MYO16: variants seen among roughly 807,000 people sequenced by gnomAD.
The protein encoded by MYO16 is unconventional myosin-XVI.
MYO16 carries 94 observed loss-of-function variants against 205.3 expected under a neutral mutation model. The ratio of observed to expected loss-of-function variants is 0.46; its 90% CI spans 0.39 to 0.54. The LOEUF (loss-of-function observed/expected upper bound fraction) is 0.54. Among genes scored for constraint, MYO16 ranks in the 20% least tolerant of loss-of-function variants. The pLI, the probability that MYO16 is intolerant of heterozygous loss-of-function variation, is 0.00. For missense variants in MYO16, 2,315 were observed against 2,387.5 expected (o/e 0.97, Z 0.63); for synonymous variants, 988 against 954.0 (o/e 1.04, Z -0.66).
chr13:109,187,380 G>GT (rs1879729750), intron 34 of MYO16, among the ~76,000 whole-genome samples: 1 of 151,870 alleles, frequency 6.6e-6, no homozygotes, highest in Non-Finnish European at 1.5e-5. Flanking sequence ...ATTGATTCCT[G>GT]TTGTTTTTTA....
chr13:108,540,045 G>T, the MYO16 span, among the ~76,000 whole-genome samples: 1 of 152,084 alleles, frequency 6.6e-6, no homozygotes, highest in Non-Finnish European at 1.5e-5. Context: ...AATGTAATGG[G>T]AGAAGTATAT....
chr13:108,967,516 C>T (rs1883841065), intron 20 of MYO16, among the ~76,000 whole-genome samples: 1 of 152,152 alleles, frequency 6.6e-6, no homozygotes, highest in South Asian at 2.1e-4. Context: ...TGGCTGCCTA[C>T]TGGGGTGTTG....
chr13:108,930,758 T>A (rs1882221566), intron 16 of MYO16, among the ~76,000 whole-genome samples: 1 of 152,160 alleles, frequency 6.6e-6, no homozygotes, highest in Non-Finnish European at 1.5e-5. Flanking sequence ...AAGTTAAGAC[T>A]ATAAATACCA....
At chr13:108,869,498 G>C (rs1878910749) in intron 12 of MYO16, among the ~76,000 whole-genome samples, 1 of 151,604 alleles carries the variant, frequency 6.6e-6, no homozygotes, top group African/African-American at 2.4e-5. Context: ...GCCGAGGCGG[G>C]CGAATCACGA....
intron 28 of MYO16, among the ~76,000 whole-genome samples, chr13:109,102,451 G>A (rs1276649278): frequency 6.6e-6 from 1 of 151,104 alleles, no homozygotes; most frequent in African/African-American, 2.4e-5. Context: ...ACTACTTACA[G>A]ATAATGATAT....
Position 108,686,986 on chromosome 13 carries a change from C to T in MYO16, c.292+20837C>T, listed in dbSNP as rs139139772. On this transcript the variant is annotated intron_variant, in intron 2 of 34. Transcript: ENST00000457511. ...GGCTGCTTACCCCATCAGTCCCCTA[C>T]GATTCCACCATGGTCAAGAATAATT... 3.6e-3 allele frequency among the ~76,000 whole-genome samples: 553 copies of T among 152,296 alleles called. 5 individuals carry two copies. The highest frequency in any genetic ancestry group is 0.016 in the South Asian group (78 of 4,824).
Position 108,844,568 on chromosome 13 carries a change from C to CA in MYO16, c.1248+80dup, listed in dbSNP as rs965693282. The CA allele has an allele frequency of 9.1e-5, 128 of 1,411,244 alleles. No homozygotes were observed. The Middle Eastern group carries it at 1.1e-3, about 12-fold the overall frequency. The allele number at this position is 1,411,244 out of a possible 1,614,324, so 87.4% of individuals were successfully genotyped here. On this transcript the variant is annotated intron_variant, in intron 10 of 34. Coordinates refer to ENST00000457511, the MANE Select transcript of MYO16 (RefSeq NM_001198950.3). ...ATGTATTATAAAATCCAACATATTTCAAAAACAAATGCGCACTAATTTGCA... is the reference window on the plus strand; with the variant it reads ...ATGTATTATAAAATCCAACATATTTCAAAAAACAAATGCGCACTAATTTGCA...
At chr13:108,621,484 G>T (rs1315377827) in intron 1 of MYO16, among the ~76,000 whole-genome samples, 3 of 152,104 alleles carry the variant, frequency 2.0e-5, no homozygotes, top group Admixed American at 2.0e-4. Context: ...TCCATGCATG[G>T]AGTAACATGA....
At chr13:108,554,513 C>G in the MYO16 span, among the ~76,000 whole-genome samples, 1 of 152,148 alleles carries the variant, frequency 6.6e-6, no homozygotes, top group Non-Finnish European at 1.5e-5. Context: ...TTGCCTGGTT[C>G]CATGAATTTC....
intron 4 of MYO16, chr13:108,779,658 G>A (rs770278488): frequency 6.6e-6 from 1 of 152,178 alleles, no homozygotes; most frequent in African/African-American, 2.4e-5. Flanking sequence ...CATTTGCTAG[G>A]ATACAAGAGA....
the MYO16 span, among the ~76,000 whole-genome samples, chr13:108,567,612 T>C: frequency 6.6e-6 from 1 of 152,174 alleles, no homozygotes; most frequent in South Asian, 2.1e-4. Context: ...CTTGGTGATA[T>C]AATGATGTTT....
chr13:108,836,710 T>C (rs1876940190), intron 9 of MYO16, among the ~76,000 whole-genome samples: 1 of 152,136 alleles, frequency 6.6e-6, no homozygotes, highest in Non-Finnish European at 1.5e-5. Flanking sequence ...AAGAGAATCG[T>C]TATGGAACGT....
chr13:109,174,146 C>T lies in MYO16; in HGVS notation c.5324-5396C>T, dbSNP rs141968613. Among the ~76,000 whole-genome samples the T allele has an allele frequency of 2.2e-3, 341 of 152,122 alleles. 2 individuals are homozygous for T. Among genetic ancestry groups the T allele is most frequent in the Non-Finnish European group, 4.3e-3 (290 of 68,014 alleles). On this transcript the variant is annotated intron_variant, in intron 33 of 34. Transcript: ENST00000457511. ...GTCAAGAAGAGGAAGGTGTCAAGAA[C>T]GACTCCAAGAATTTGAGGCAAATGA...
chr13:109,047,797 G>T (rs1887095485), intron 24 of MYO16, among the ~76,000 whole-genome samples: 1 of 151,998 alleles, frequency 6.6e-6, no homozygotes, highest in Admixed American at 6.6e-5. Context: ...GAATGCTCTA[G>T]CATTGAAAAT....
At chr13:108,917,732 C>T (rs1167636727) in intron 16 of MYO16, among the ~76,000 whole-genome samples, 1 of 152,154 alleles carries the variant, frequency 6.6e-6, no homozygotes, top group Non-Finnish European at 1.5e-5. Context: ...GGCCAGAGGC[C>T]CTATATTTGT....
At chr13:108,935,724 A>G (rs1054568112) in intron 16 of MYO16, among the ~76,000 whole-genome samples, 2 of 151,958 alleles carry the variant, frequency 1.3e-5, no homozygotes, top group African/African-American at 4.8e-5. Flanking sequence ...AATGCTTCCA[A>G]CTTTTGCCTG....
chr13:108,524,756 T>A, the MYO16 span, among the ~76,000 whole-genome samples: 1 of 152,126 alleles, frequency 6.6e-6, no homozygotes, highest in East Asian at 1.9e-4. Flanking sequence ...ATTGGGATTG[T>A]GTGTGATGAC....
intron 12 of MYO16, among the ~76,000 whole-genome samples, chr13:108,878,767 G>C (rs1449545450): frequency 6.6e-6 from 1 of 152,198 alleles, no homozygotes; most frequent in Admixed American, 6.5e-5. Flanking sequence ...GCTGGCCCAG[G>C]CTCCTGTACC....
chr13:108,677,020 G>A (rs1882243480), intron 2 of MYO16, among the ~76,000 whole-genome samples: 1 of 152,098 alleles, frequency 6.6e-6, no homozygotes, highest in Admixed American at 6.5e-5. Context: ...TCACTAAAAT[G>A]TGTGTTATGC....
Sources: allele counts gnomAD v4.1 joint callset (sites outside exome capture counted in the v4.1 genomes callset), GRCh38; gene constraint gnomAD v4.1.1; transcripts MANE v1.5; gene names NCBI Gene and HGNC (gene_info 2026-07-23, HGNC 2026-07-21).